Variants in KIRREL3 observed in about 807,000 individuals in gnomAD.
KIRREL3 encodes kirre like nephrin family adhesion molecule 3, also known as kin of IRRE-like protein 3.
KIRREL3 carries 36 observed loss-of-function variants against 89.7 expected under a neutral mutation model. The observed-to-expected ratio is 0.40, with a 90% confidence interval of 0.31 to 0.53. The LOEUF (loss-of-function observed/expected upper bound fraction) is 0.53. Among genes scored for constraint, KIRREL3 ranks in the 20% least tolerant of loss-of-function variants. The pLI is 0.49. For synonymous variants in KIRREL3, 445 were observed against 441.4 expected, an observed-to-expected ratio of 1.01 and a Z score of -0.10; for missense variants, 864 against 1,056.6, an observed-to-expected ratio of 0.82 and a Z score of 2.53.
At chr11:126,595,954 T>C (rs1350456442) in intron 1 of KIRREL3, among the ~76,000 whole-genome samples, 1 of 152,200 alleles carries the variant, frequency 6.6e-6, no homozygotes, top group Non-Finnish European at 1.5e-5. Context: ...AGGGTCACAA[T>C]ATAGGCTGGT....
At position 126,462,254 on chromosome 11, in the gene KIRREL3, G is replaced by C. The variant is rs1956571772; in HGVS notation, c.742+903C>G. ...AGGAGTGTGGAGAGGATGTTACCAG[G>C]GTGGACTCTGGAAATCTATGCTACC... On this transcript the variant is annotated intron_variant, in intron 6 of 16. Transcript: ENST00000525144. The surrounding 1 kb of genome is among the most constrained non-coding windows in gnomAD (Gnocchi z 4.8). Among the ~76,000 whole-genome samples the C allele has an allele frequency of 6.6e-6, 1 of 152,000 alleles. No homozygotes were observed. Among genetic ancestry groups the C allele is most frequent in the African/African-American group, 2.4e-5 (1 of 41,386 alleles).
At position 126,430,008 on chromosome 11, in the gene KIRREL3, G is replaced by A. The variant is rs533082945; in HGVS notation, c.1697-720C>T. On this transcript the variant is annotated intron_variant, in intron 14 of 16. Coordinates refer to ENST00000525144, the MANE Select transcript of KIRREL3 (RefSeq NM_032531.4). This position sits in a 1 kb window ranked among gnomAD's most constrained non-coding sequence, Gnocchi z 6.6. The stretch of plus-strand genomic sequence containing the variant: ...AAATTAGCTGGGCGTGGTGGTGGGT[G>A]CCTGTAATGCCAGCTACTCGGGAGG... 6.6e-6 allele frequency among the ~76,000 whole-genome samples: 1 copy of A among 152,238 alleles called. No homozygotes were observed. The highest frequency in any genetic ancestry group is 2.1e-4 in the South Asian group (1 of 4,822).
At chr11:126,861,490 A>G (rs1239476010) in intron 1 of KIRREL3, among the ~76,000 whole-genome samples, 1 of 152,138 alleles carries the variant, frequency 6.6e-6, no homozygotes, top group Non-Finnish European at 1.5e-5. Context: ...CGTTGGCTGA[A>G]CCTACACGGT....
At position 126,985,862 on chromosome 11, in the gene KIRREL3, G is replaced by T. The variant is rs1187239289; in HGVS notation, c.55+14593C>A. Among the ~76,000 whole-genome samples, 1 of 152,190 alleles carries T rather than the reference G, an allele frequency of 6.6e-6. No homozygotes were observed. The highest frequency in any genetic ancestry group is 1.5e-5 in the Non-Finnish European group (1 of 68,038). ...GAAACTTCAAAACCTTGAGTATAAG[G>T]CATGTGCCTTCATGACCCCCCTACT... is the stretch of plus-strand genomic sequence containing the variant. On this transcript the variant is annotated intron_variant, in intron 1 of 16. Coordinates refer to ENST00000525144, the MANE Select transcript of KIRREL3 (RefSeq NM_032531.4). This position sits in a 1 kb window ranked among gnomAD's most constrained non-coding sequence, Gnocchi z 5.3.
Position 126,491,696 on chromosome 11 carries a change from T to C in KIRREL3, c.434-18230A>G, listed in dbSNP as rs1457304724. ...CACAGATTTGGATGTTTTTCTTTTTTTCTTTTTTCTTTTTTTTTATATTTA... is the reference window on the plus strand; with the variant it reads ...CACAGATTTGGATGTTTTTCTTTTTCTCTTTTTTCTTTTTTTTTATATTTA... On this transcript the variant is annotated intron_variant, in intron 4 of 16. Coordinates refer to ENST00000525144, the MANE Select transcript of KIRREL3 (RefSeq NM_032531.4). This position sits in a 1 kb window ranked among gnomAD's most constrained non-coding sequence, Gnocchi z 5.5. Among the ~76,000 whole-genome samples, 3 of 152,136 alleles carry C rather than the reference T, an allele frequency of 2.0e-5. No homozygotes were observed. Among genetic ancestry groups the C allele is most frequent in the African/African-American group, 7.2e-5 (3 of 41,414 alleles).
At chr11:126,942,317 G>T (rs75456932) in intron 1 of KIRREL3, among the ~76,000 whole-genome samples, 2 of 152,244 alleles carry the variant, frequency 1.3e-5, no homozygotes, top group African/African-American at 2.4e-5. Flanking sequence ...TAAACACTGA[G>T]TATCTTTAAC....
chr11:126,831,034 T>C (rs1231832863), intron 1 of KIRREL3, among the ~76,000 whole-genome samples: 4 of 152,072 alleles, frequency 2.6e-5, no homozygotes, highest in Non-Finnish European at 5.9e-5. Flanking sequence ...TCATAGGAGA[T>C]TGGGGTTGAA....
At chr11:126,472,557 T>C (rs1307025634) in intron 5 of KIRREL3, among the ~76,000 whole-genome samples, 1 of 152,130 alleles carries the variant, frequency 6.6e-6, no homozygotes, top group Non-Finnish European at 1.5e-5. Context: ...GACATAGAAA[T>C]GTTGGGAGCC....
intron 1 of KIRREL3, among the ~76,000 whole-genome samples, chr11:126,700,674 G>A (rs1377196382): frequency 3.9e-5 from 6 of 152,168 alleles, no homozygotes; most frequent in African/African-American, 9.7e-5. Context: ...GGAAGCAGCC[G>A]GGGCTCTGAG....
chr11:126,586,655 A>G (rs1178308182), intron 1 of KIRREL3, among the ~76,000 whole-genome samples: 1 of 152,060 alleles, frequency 6.6e-6, no homozygotes, highest in Admixed American at 6.5e-5. Context: ...CTTCAGATTC[A>G]ATGTTTACAA....
At chr11:126,444,326 G>A (rs1955705300) in intron 10 of KIRREL3, among the ~76,000 whole-genome samples, 1 of 152,218 alleles carries the variant, frequency 6.6e-6, no homozygotes, top group Admixed American at 6.5e-5. Flanking sequence ...AGGAGCTGCA[G>A]AGATGCTCTC....
At chr11:126,451,760 C>T (rs1956181848) in intron 7 of KIRREL3, among the ~76,000 whole-genome samples, 1 of 152,156 alleles carries the variant, frequency 6.6e-6, no homozygotes, top group Non-Finnish European at 1.5e-5. Context: ...TTACGGATCT[C>T]CAGGGAGAGA....
intron 1 of KIRREL3, among the ~76,000 whole-genome samples, chr11:126,790,661 G>C (rs1204744663): frequency 6.6e-6 from 1 of 152,152 alleles, no homozygotes. Context: ...AACATAACCA[G>C]GAATGAGTTC....
chr11:126,446,671 G>T, intron 9 of KIRREL3, 88 bp downstream of exon 9: 1 of 1,392,760 alleles, frequency 7.2e-7, no homozygotes, highest in Non-Finnish European at 9.7e-7. Flanking sequence ...CAGTCTAATA[G>T]TGAGAGGGGC....
At position 126,696,613 on chromosome 11, in the gene KIRREL3, A is replaced by G. The variant is rs1391761496; in HGVS notation, c.56-133701T>C. Reference sequence around the variant, plus strand: ...CCCAAACGTTGCTGATCAACACACCACAGCTGGAATCCACAGAGGCGCCAC... The same window carrying G: ...CCCAAACGTTGCTGATCAACACACCGCAGCTGGAATCCACAGAGGCGCCAC... On this transcript the variant is annotated intron_variant, in intron 1 of 16. Transcript: ENST00000525144. This position sits in a 1 kb window ranked among gnomAD's most constrained non-coding sequence, Gnocchi z 4.4. Among the ~76,000 whole-genome samples the G allele has an allele frequency of 6.6e-6, 1 of 152,054 alleles. No homozygotes were observed. The highest frequency in any genetic ancestry group is 6.5e-5 in the Admixed American group (1 of 15,268).
rs1946712652 is a variant in KIRREL3 at position 126,909,264 on chromosome 11, C to T, written c.55+91191G>A. On this transcript the variant is annotated intron_variant, in intron 1 of 16. Coordinates refer to ENST00000525144, the MANE Select transcript of KIRREL3 (RefSeq NM_032531.4). The surrounding 1 kb of genome is among the most constrained non-coding windows in gnomAD (Gnocchi z 4.5). ...TCATGGGAGGTGTGGCACTAAAACC[C>T]AGGCTCCGGCCTGGGACTCTTTACA... Among the ~76,000 whole-genome samples the T allele has an allele frequency of 1.3e-5, 2 of 152,118 alleles. No homozygotes were observed. Among genetic ancestry groups the T allele is most frequent in the African/African-American group, 2.4e-5 (1 of 41,436 alleles).
At chr11:126,700,587 C>T (rs990086078) in intron 1 of KIRREL3, among the ~76,000 whole-genome samples, 3 of 152,238 alleles carry the variant, frequency 2.0e-5, no homozygotes, top group Non-Finnish European at 4.4e-5. Context: ...TCAGCTGAGG[C>T]CCCACCTTTG....
At position 126,905,556 on chromosome 11, in the gene KIRREL3, A is replaced by G. The variant is rs943340163; in HGVS notation, c.55+94899T>C. Reference sequence around the variant, plus strand: ...CAGAGGGTGGGGAGAGGGATCTTTCATTTTGGGCCTTATCGAACCTGTCCC... The same window carrying G: ...CAGAGGGTGGGGAGAGGGATCTTTCGTTTTGGGCCTTATCGAACCTGTCCC... On this transcript the variant is annotated intron_variant, in intron 1 of 16. Transcript: ENST00000525144. This position sits in a 1 kb window ranked among gnomAD's most constrained non-coding sequence, Gnocchi z 5.0. 3.9e-5 allele frequency among the ~76,000 whole-genome samples: 6 copies of G among 152,086 alleles called. No homozygotes were observed. Among genetic ancestry groups the G allele is most frequent in the South Asian group, 4.2e-4 (2 of 4,810 alleles).
At position 126,946,118 on chromosome 11, in the gene KIRREL3, G is replaced by A. The variant is rs1387794529; in HGVS notation, c.55+54337C>T. Among the ~76,000 whole-genome samples, 1 of 152,132 alleles carries A rather than the reference G, an allele frequency of 6.6e-6. No homozygotes were observed. The highest frequency in any genetic ancestry group is 1.9e-4 in the East Asian group (1 of 5,186). ...CCAGAATGGCTGAGATTTCTGAGCT[G>A]GAACCCAGCACCCTAGAACTAAGGC... On this transcript the variant is annotated intron_variant, in intron 1 of 16. Coordinates refer to ENST00000525144, the MANE Select transcript of KIRREL3 (RefSeq NM_032531.4). The surrounding 1 kb of genome is among the most constrained non-coding windows in gnomAD (Gnocchi z 4.1).
Sources: allele counts gnomAD v4.1 joint callset (sites outside exome capture counted in the v4.1 genomes callset), GRCh38; gene constraint gnomAD v4.1.1; non-coding constraint Gnocchi (gnomAD v3.1); transcripts MANE v1.5; gene names NCBI Gene and HGNC (gene_info 2026-07-23, HGNC 2026-07-21).